The following DNAJA2 variants were observed in gnomAD, a reference collection of about 807,000 sequenced individuals.
DNAJA2 encodes the protein DnaJ heat shock protein family (Hsp40) member A2.
DNAJA2 carries 6 observed loss-of-function variants against 49.3 expected under a neutral mutation model. The observed-to-expected ratio is 0.12, with a 90% CI of 0.07 to 0.24. DNAJA2 has a LOEUF of 0.24. DNAJA2 is among the 10% of genes least tolerant of loss of function. The pLI is 1.00. For synonymous variants in DNAJA2, 160 were observed against 172.7 expected, an observed-to-expected ratio of 0.93 and a Z score of 0.58; for missense variants, 347 against 516.8, an observed-to-expected ratio of 0.67 and a Z score of 3.19.
At chr16:46,959,212 T>C in intron 7 of DNAJA2, 63 bp downstream of exon 7, 1 of 1,581,280 alleles carries the variant, frequency 6.3e-7, no homozygotes, top group South Asian at 1.2e-5. Flanking sequence ...TATAAAAAAA[T>C]TACAAATTGT....
chr16:46,957,781 C>T (rs943851543), intron 8 of DNAJA2, among the ~76,000 whole-genome samples: 1 of 152,086 alleles, frequency 6.6e-6, no homozygotes, highest in Non-Finnish European at 1.5e-5. Context: ...AAAGTTTCTA[C>T]AGGAGACACA....
intron 6 of DNAJA2, among the ~76,000 whole-genome samples, chr16:46,963,979 G>A (rs1225645872): frequency 6.6e-6 from 1 of 152,150 alleles, no homozygotes; most frequent in Admixed American, 6.5e-5. Flanking sequence ...CCAGGCCAGA[G>A]GAGAATCGCT....
At chr16:46,957,946 A>C (rs1961838901) in intron 8 of DNAJA2, among the ~76,000 whole-genome samples, 1 of 152,160 alleles carries the variant, frequency 6.6e-6, no homozygotes, top group Middle Eastern at 3.4e-3. Context: ...GCTTGGCCCC[A>C]TCAACATTTA....
At chr16:46,961,636 A>G (rs1961896935) in intron 6 of DNAJA2, among the ~76,000 whole-genome samples, 1 of 152,006 alleles carries the variant, frequency 6.6e-6, no homozygotes, top group Admixed American at 6.6e-5. Context: ...GTTCTTGTAC[A>G]GGAGAGTTCA....
intron 5 of DNAJA2, among the ~76,000 whole-genome samples, chr16:46,966,649 A>G (rs1049729386): frequency 1.3e-5 from 2 of 152,228 alleles, no homozygotes; most frequent in Non-Finnish European, 2.9e-5. Context: ...CTGTGGCCAT[A>G]AAAGCACTAA....
intron 3 of DNAJA2, among the ~76,000 whole-genome samples, chr16:46,969,379 C>T (rs1446003707): frequency 1.3e-5 from 2 of 152,206 alleles, no homozygotes; most frequent in African/African-American, 4.8e-5. Context: ...CTTGTTGCAT[C>T]TTGTATACTC....
At chr16:46,965,814 G>A (rs1407294877) in intron 5 of DNAJA2, among the ~76,000 whole-genome samples, 1 of 144,396 alleles carries the variant, frequency 6.9e-6, no homozygotes, top group Non-Finnish European at 1.5e-5. Flanking sequence ...CTGGGCAACA[G>A]AGCAAGACTC....
At position 46,959,276 on chromosome 16, in the gene DNAJA2, T is replaced by A. The variant is rs1961861615; in HGVS notation, c.918A>T (p.Pro306=). 2.5e-6 allele frequency: 4 copies of A among 1,609,420 alleles called. No homozygotes were observed. The Admixed American group carries it at 6.8e-5, about 28-fold the overall frequency. The change falls in exon 7 of 9, where the codon CCA becomes CCT. Residue 306 remains proline (P), a splice_region_variant and synonymous_variant. Transcript: ENST00000317089. ...GAATCGGACAAAATCAAGATTTACC[T>A]GGTTCAATTACTTTGCCAGGGGGGT... The part of the protein sequence containing the change: ...VKYPPGKVIE[P]GCVRVVRGEG...
chr16:46,957,207 A>T lies in DNAJA2; in HGVS notation c.1061T>A (p.Leu354His). Residue 354 changes from leucine to histidine, a missense_variant, in exon 9 of 9, where the codon CTT becomes CAT. Transcript: ENST00000317089. ...AGGAACTTCCGGTCTAGATGGCAGAAGATCTTCTAGTTCCTTTATTAAAAC... is the reference window on the plus strand; with the variant it reads ...AGGAACTTCCGGTCTAGATGGCAGATGATCTTCTAGTTCCTTTATTAAAAC... ...NPDKLSELED[L>H]LPSRPEVPNI... is the part of the protein sequence containing the mutation. 6.2e-7 allele frequency: 1 copy of T among 1,601,036 alleles called. No individual in the cohort carries two copies. The highest frequency in any genetic ancestry group is 8.5e-7 in the Non-Finnish European group (1 of 1,174,816).
rs771961596 is a variant in DNAJA2 at position 46,973,501 on chromosome 16, C to T, written c.72G>A (p.Leu24=). 3 of 1,602,792 alleles carry T rather than the reference C, an allele frequency of 1.9e-6. No individual in the cohort carries two copies. The highest frequency in any genetic ancestry group is 2.5e-6 in the Non-Finnish European group (3 of 1,177,468). ...CCGGCCCGCTCCCAGATACCTTCTT[C>T]AGCTCGTTCTCGCTGGCGCCGGGCG... ...GVPPGASENE[L]KKAYRKLAKE... Residue 24 remains leucine, a synonymous_variant, in exon 1 of 9, where the codon CTG becomes CTA. Coordinates refer to ENST00000317089, the MANE Select transcript of DNAJA2 (RefSeq NM_005880.4).
rs144876450 is a variant in DNAJA2, at chr16:46,971,474, G to A, written c.237C>T (p.Gly79=). 5.7e-5 allele frequency: 92 copies of A among 1,613,734 alleles called. 1 individual carries two copies. The South Asian group carries it at 6.8e-4, about 12-fold the overall frequency. The change falls in exon 3 of 9, where the codon GGC becomes GGT. Residue 79 remains glycine (G), a synonymous_variant. Transcript: ENST00000317089. ...AAATATCATCCATGCCACCACCTCC[G>A]CCGCTGCCTTCCCGAAGACCTTGCT... is the stretch of plus-strand genomic sequence containing the variant. The part of the protein sequence containing the change: ...YGEQGLREGS[G]GGGGMDDIFS...
chr16:46,971,064 T>C (rs1321489434), intron 3 of DNAJA2, among the ~76,000 whole-genome samples: 1 of 148,634 alleles, frequency 6.7e-6, no homozygotes, highest in African/African-American at 2.5e-5. Flanking sequence ...AGAGAGAAAA[T>C]GATCTTCACA....
At chr16:46,964,580 A>C in intron 6 of DNAJA2, 31 bp downstream of exon 6, 1 of 1,580,618 alleles carries the variant, frequency 6.3e-7, no homozygotes, top group Non-Finnish European at 8.6e-7. Flanking sequence ...GAATAAAACA[A>C]AATACAAAAA....
In DNAJA2 at chr16:46,964,481, C is replaced by T. The variant is rs116034311; in HGVS notation, c.774+130G>A. On this transcript the variant is annotated intron_variant, in intron 6 of 8. Coordinates refer to ENST00000317089, the MANE Select transcript of DNAJA2 (RefSeq NM_005880.4). ...ACACAAGCCCGTCTTAGGAACTCAC[C>T]ATGATGCCCTTAACTTCACCAGTGT... 2,867 of 822,784 alleles carry T rather than the reference C, an allele frequency of 3.5e-3. 57 individuals carry two copies. The African/African-American group carries it at 0.043, about 12-fold the overall frequency. 51.0% of individuals were successfully genotyped at this position (822,784 alleles called of 1,614,324 possible). A position where few individuals can be genotyped will look rare whatever the true frequency, so the allele number is the denominator to read the frequency against.
At chr16:46,967,467 C>T (rs200984284) in intron 5 of DNAJA2, 46 bp downstream of exon 5, 6 of 1,611,034 alleles carry the variant, frequency 3.7e-6, no homozygotes, top group Non-Finnish European at 5.1e-6. Context: ...TATCTGCATT[C>T]CCAATCCATT....
At chr16:46,966,039 C>T (rs947363075) in intron 5 of DNAJA2, among the ~76,000 whole-genome samples, 5 of 151,902 alleles carry the variant, frequency 3.3e-5, no homozygotes, top group Non-Finnish European at 4.4e-5. Flanking sequence ...GCCTGGGCAA[C>T]GTGGCAAAAC....
At chr16:46,961,397 T>C (rs1474401322) in intron 6 of DNAJA2, among the ~76,000 whole-genome samples, 2 of 150,882 alleles carry the variant, frequency 1.3e-5, no homozygotes, top group South Asian at 2.1e-4. Flanking sequence ...AAAACAAAAA[T>C]AAAAAGTGGG....
At chr16:46,959,247 A>G in intron 7 of DNAJA2, 28 bp downstream of exon 7, 1 of 1,588,518 alleles carries the variant, frequency 6.3e-7, no homozygotes, top group Non-Finnish European at 8.6e-7. Flanking sequence ...ATACTTGAAA[A>G]CCAGAATCGG....
intron 1 of DNAJA2, 90 bp from the exon 2 acceptor site, chr16:46,972,045 A>G (rs1179066573): frequency 1.1e-6 from 1 of 929,500 alleles, no homozygotes; most frequent in Middle Eastern, 2.9e-4. Context: ...CTGAGAAGTA[A>G]TGTTCTAGAG....
Sources: allele counts gnomAD v4.1 joint callset (sites outside exome capture counted in the v4.1 genomes callset), GRCh38; gene constraint gnomAD v4.1.1; transcripts MANE v1.5; gene names NCBI Gene and HGNC (gene_info 2026-07-23, HGNC 2026-07-21).